Variants in CABIN1 observed in about 807,000 individuals in gnomAD.
The protein encoded by CABIN1 is calcineurin-binding protein cabin-1.
Under a neutral mutation model 227.7 loss-of-function variants are expected in CABIN1, and 133 were observed. That is an observed-to-expected ratio of 0.58 (90% CI 0.51 to 0.67). CABIN1 has a LOEUF of 0.67. Ranked by LOEUF, CABIN1 falls within the 30% of genes least tolerant of loss-of-function variation. CABIN1 has a pLI of 0.00. For missense variants in CABIN1, 2,408 were observed against 2,852.5 expected (o/e 0.84, Z 3.55); for synonymous variants, 1,086 against 1,155.1 (o/e 0.94, Z 1.21).
chr22:24,156,824 A>G (rs1602399033), intron 29 of CABIN1, among the ~76,000 whole-genome samples: 1 of 152,084 alleles, frequency 6.6e-6, no homozygotes, highest in Non-Finnish European at 1.5e-5. Flanking sequence ...TCTCCCATGC[A>G]CTTGGTTGTT....
chr22:24,087,812 C>A, intron 23 of CABIN1, 99 bp downstream of exon 23: 1 of 1,458,808 alleles, frequency 6.9e-7, no homozygotes, highest in Non-Finnish European at 9.5e-7. Context: ...TTATTCTTGT[C>A]CACACATCCA....
chr22:24,087,323 T>C (rs1333179223), intron 22 of CABIN1, 129 bp from the exon 23 acceptor site: 2 of 1,164,036 alleles, frequency 1.7e-6, no homozygotes. Flanking sequence ...AGTGGCAGAG[T>C]TGGGCTCTGA....
rs149666691 is a variant in CABIN1 at position 24,059,970 on chromosome 22, G to A, written c.1446G>A (p.Gly482=). 16 of 1,614,098 alleles carry A rather than the reference G, an allele frequency of 9.9e-6. No individual in the cohort carries two copies. The highest frequency in any genetic ancestry group is 1.4e-5 in the Non-Finnish European group (16 of 1,180,050). The change falls in exon 12 of 37, where the codon GGG becomes GGA. Residue 482 remains glycine (G), a synonymous_variant. Coordinates refer to ENST00000263119, the MANE Select transcript of CABIN1 (RefSeq NM_012295.4). Reference sequence around the variant, plus strand: ...TCCTGCTGGAGAACCTAACCAACGGGGGCATCCTGGAGCTGATGATGCGCT... The same window carrying A: ...TCCTGCTGGAGAACCTAACCAACGGAGGCATCCTGGAGCTGATGATGCGCT... ...HEFLLENLTN[G]GILELMMRYL...
At chr22:24,082,266 T>G (rs926785765) in intron 19 of CABIN1, among the ~76,000 whole-genome samples, 6 of 152,142 alleles carry the variant, frequency 3.9e-5, no homozygotes, top group Admixed American at 1.3e-4. Flanking sequence ...ATTTTTAAAT[T>G]TTTTGTAGAG....
intron 29 of CABIN1, among the ~76,000 whole-genome samples, chr22:24,151,806 T>C (rs1012635236): frequency 6.6e-6 from 1 of 152,096 alleles, no homozygotes; most frequent in South Asian, 2.1e-4. Flanking sequence ...ACGCACCCCC[T>C]TTGCATGCAC....
chr22:24,136,340 A>C (rs1602284120), intron 29 of CABIN1, among the ~76,000 whole-genome samples: 1 of 141,382 alleles, frequency 7.1e-6, no homozygotes, highest in African/African-American at 2.7e-5. Context: ...TTACCTAGCC[A>C]TCCCTCCTTT....
chr22:24,034,976 A>G (rs1207933500), intron 1 of CABIN1, among the ~76,000 whole-genome samples: 2 of 152,152 alleles, frequency 1.3e-5, no homozygotes, highest in East Asian at 3.9e-4. Flanking sequence ...CTTGTCTTCT[A>G]GTTTTCCCAT....
intron 1 of CABIN1, among the ~76,000 whole-genome samples, chr22:24,019,637 G>GCTTTT (rs1248877107): frequency 1.4e-5 from 2 of 144,556 alleles, no homozygotes; most frequent in African/African-American, 5.1e-5. Context: ...ATTAGTGATA[G>GCTTTT]CTTTTCTTTA....
At chr22:24,063,175 G>A in intron 14 of CABIN1, 29 bp downstream of exon 14, 3 of 1,610,616 alleles carry the variant, frequency 1.9e-6, no homozygotes, top group Non-Finnish European at 2.5e-6. Context: ...TGCTTGGGGA[G>A]CATGCCCTGA....
chr22:24,092,099 C>T (rs148662704), intron 24 of CABIN1: 5 of 556,332 alleles, frequency 9.0e-6, no homozygotes, highest in Admixed American at 3.1e-5. Flanking sequence ...CTCACTAACA[C>T]AGGTTCTAAG....
chr22:24,095,842 TG>T, intron 24 of CABIN1, 88 bp from the exon 25 acceptor site: 2 of 1,439,948 alleles, frequency 1.4e-6, no homozygotes, highest in Non-Finnish European at 9.8e-7. Flanking sequence ...GCCCTGGTCA[TG>T]GGCCCATTTC....
chr22:24,055,027 G>A lies in CABIN1; in HGVS notation c.961G>A (p.Val321Met), dbSNP rs541843879. 9 of 1,614,220 alleles carry A rather than the reference G, an allele frequency of 5.6e-6. No homozygotes were observed. In the African/African-American group the frequency reaches 1.1e-4, roughly 19 times the overall value. The change falls in exon 9 of 37, where the codon GTG becomes ATG. Residue 321 changes from valine to methionine, a missense_variant. Physicochemically the swap from Val to Met is conservative, Grantham distance 21. This residue lies in a region of CABIN1 where 1,045 missense variants were observed against 1,168.4 expected (regional missense o/e 0.89). Coordinates refer to ENST00000263119, the MANE Select transcript of CABIN1 (RefSeq NM_012295.4). ...CTCCATGGTGGTGACGCCAGTTAAC[G>A]TGATCCAGCCAAGCACTGTCAGCAC... ...ESSMVVTPVN[V>M]IQPSTVSTNP...
chr22:24,019,120 G>GTTT (rs945660140), intron 1 of CABIN1, among the ~76,000 whole-genome samples: 16 of 40,222 alleles, frequency 4.0e-4, no homozygotes, highest in South Asian at 1.3e-3. Flanking sequence ...ACTGAGTGTT[G>GTTT]TTTTTTTTTT....
Position 24,162,768 on chromosome 22 carries a change from T to C in CABIN1, c.4747-1632T>C, listed in dbSNP as rs561860085. Among the ~76,000 whole-genome samples, 3 of 152,332 alleles carry C rather than the reference T, an allele frequency of 2.0e-5. No individual in the cohort carries two copies. In the South Asian group the frequency reaches 6.2e-4, roughly 32 times the overall value. On this transcript the variant is annotated intron_variant, in intron 29 of 36. Coordinates refer to ENST00000263119, the MANE Select transcript of CABIN1 (RefSeq NM_012295.4). ...CCTGATTTGTTTGGTCTTCCATCCT[T>C]TCTGAAATCAGCAGTGTTATGTTAC...
intron 1 of CABIN1, among the ~76,000 whole-genome samples, chr22:24,023,288 A>G (rs1030762213): frequency 2.6e-5 from 4 of 152,114 alleles, no homozygotes; most frequent in African/African-American, 7.2e-5. Flanking sequence ...TTGTTTATCC[A>G]TCTATTGGTG....
chr22:24,134,233 G>T lies in CABIN1; in HGVS notation c.4633-69G>T. ...CCATGCAGCCAGGAAGGAGGGGACC[G>T]CCTGCCTTCCCTGTGGGCGCCCTGA... On this transcript the variant is annotated intron_variant, in intron 28 of 36. Transcript: ENST00000263119. 3 of 1,142,866 alleles carry T rather than the reference G, an allele frequency of 2.6e-6. No individual in the cohort carries two copies. In the Admixed American group the frequency reaches 5.7e-5, roughly 22 times the overall value. 70.8% of individuals were successfully genotyped at this position (1,142,866 alleles called of 1,614,324 possible).
chr22:24,074,743 A>G (rs1167863371), intron 18 of CABIN1, among the ~76,000 whole-genome samples: 1 of 152,242 alleles, frequency 6.6e-6, no homozygotes, highest in African/African-American at 2.4e-5. Flanking sequence ...GAGGAAGCAG[A>G]ATTGGGCTTT....
At chr22:24,042,157 T>C (rs2037428878) in intron 5 of CABIN1, among the ~76,000 whole-genome samples, 1 of 152,234 alleles carries the variant, frequency 6.6e-6, no homozygotes, top group African/African-American at 2.4e-5. Flanking sequence ...AGTTTCGCCA[T>C]GTTACCCAGG....
rs541160775 is a variant in CABIN1 at position 24,109,161 on chromosome 22, A to G, written c.4118-4405A>G. Among the ~76,000 whole-genome samples the G allele has an allele frequency of 7.9e-5, 12 of 152,160 alleles. No homozygotes were observed. In the South Asian group the frequency reaches 2.1e-3, roughly 26 times the overall value. Reference sequence around the variant, plus strand: ...GGTGACAGAGCAGAATTTCAGTTCTATCAGCCTGGATCTTCCAGAGTCCAG... The same window carrying G: ...GGTGACAGAGCAGAATTTCAGTTCTGTCAGCCTGGATCTTCCAGAGTCCAG... On this transcript the variant is annotated intron_variant, in intron 26 of 36. Transcript: ENST00000263119.
Sources: gnomAD v4.1 joint callset for allele counts (sites outside exome capture counted in the v4.1 genomes callset) on GRCh38, gnomAD v4.1.1 for gene constraint, gnomAD v4.1.1 regional missense constraint, MANE v1.5 for transcripts, NCBI Gene and HGNC (gene_info 2026-07-23, HGNC 2026-07-21) for gene names.